MYBPC2: variants seen among roughly 807,000 people sequenced by gnomAD.
MYBPC2 encodes the protein myosin-binding protein C, fast-type.
In MYBPC2, 122 loss-of-function variants were observed where a neutral mutation model predicts 137.0. That is an observed-to-expected ratio of 0.89 (90% CI 0.77 to 1.03). MYBPC2 has a LOEUF of 1.03. MYBPC2 is among the 50% of genes least tolerant of loss of function. The probability of loss-of-function intolerance (pLI) is 0.00; values close to 1 mark genes in which losing one functional copy is unlikely to be tolerated. For missense variants in MYBPC2, 1,500 were observed against 1,534.4 expected (o/e 0.98, Z 0.37); for synonymous variants, 626 against 612.3 (o/e 1.02, Z -0.33).
At chr19:50,451,520 G>A (rs890990787) in intron 15 of MYBPC2, among the ~76,000 whole-genome samples, 2 of 149,412 alleles carry the variant, frequency 1.3e-5, no homozygotes, top group African/African-American at 2.5e-5. Context: ...GCTATCGGCC[G>A]AGAGGAGGGA....
In MYBPC2 at chr19:50,458,776, G is replaced by A. The variant is rs566146444; in HGVS notation, c.2506+22G>A. On this transcript the variant is annotated intron_variant, in intron 21 of 27. Transcript: ENST00000357701. ...GCGGGTGCGTGGCCCCTGACCCTGC[G>A]CTCCGAAAGACCAAGCTGGCGTCGT... 12 of 1,605,246 alleles carry A rather than the reference G, an allele frequency of 7.5e-6. No individual in the cohort carries two copies. In the African/African-American group the frequency reaches 8.0e-5, roughly 11 times the overall value.
chr19:50,453,757 C>T (rs188274324), intron 16 of MYBPC2, among the ~76,000 whole-genome samples: 9 of 152,110 alleles, frequency 5.9e-5, no homozygotes, highest in East Asian at 3.9e-4. Context: ...CCAGGCTGGT[C>T]GCAAACTCCC....
chr19:50,453,895 C>A, intron 16 of MYBPC2, 125 bp from the exon 17 acceptor site: 3 of 1,103,920 alleles, frequency 2.7e-6, no homozygotes, highest in South Asian at 1.6e-5. Flanking sequence ...GGCAGTGGAG[C>A]GAGTGAGGAC....
At chr19:50,464,964 C>A (rs2040001936) in intron 27 of MYBPC2, among the ~76,000 whole-genome samples, 1 of 152,104 alleles carries the variant, frequency 6.6e-6, no homozygotes, top group Non-Finnish European at 1.5e-5. Flanking sequence ...CTGCCCCTGC[C>A]TCTCCCTGCC....
chr19:50,454,235 G>A, intron 17 of MYBPC2, 30 bp from the exon 18 acceptor site: 1 of 1,613,838 alleles, frequency 6.2e-7, no homozygotes, highest in South Asian at 1.1e-5. Context: ...GAGGCCTCGA[G>A]GGGCCACCTG....
intron 20 of MYBPC2, 35 bp from the exon 21 acceptor site, chr19:50,458,552 G>A (rs1395450748): frequency 6.2e-7 from 1 of 1,603,744 alleles, no homozygotes; most frequent in Non-Finnish European, 8.5e-7. Flanking sequence ...ATGGGAGGAG[G>A]GCACGAGATC....
rs191165523 is a variant in MYBPC2 at position 50,453,040 on chromosome 19, C to T, written c.1750-980C>T. Among the ~76,000 whole-genome samples, 23 of 152,320 alleles carry T rather than the reference C, an allele frequency of 1.5e-4. 1 individual carries two copies. Among genetic ancestry groups the T allele is most frequent in the Middle Eastern group, 3.4e-3 (1 of 294 alleles). On this transcript the variant is annotated intron_variant, in intron 16 of 27. Transcript: ENST00000357701. ...AGCGTACATCCCCTAAAGTTTTCTC[C>T]GCACCAGGCACTGAGGATGCAACCA...
Position 50,465,206 on chromosome 19 carries a change from CGG to C in MYBPC2, c.3415+675_3415+676del, listed in dbSNP as rs2040004751. ...CCAGCGCCCCTCCGCCTGGTGTTCA[CGG>C]TGGTGTGTCCACCCCGGTTCTTCCC... is the stretch of plus-strand genomic sequence containing the variant. On this transcript the variant is annotated intron_variant, in intron 27 of 27. Transcript: ENST00000357701. This position sits in a 1 kb window ranked among gnomAD's most constrained non-coding sequence, Gnocchi z 4.5. Among the ~76,000 whole-genome samples the C allele has an allele frequency of 6.6e-6, 1 of 152,118 alleles. No homozygotes were observed. The highest frequency in any genetic ancestry group is 2.1e-4 in the South Asian group (1 of 4,814).
chr19:50,436,056 C>G lies in MYBPC2; in HGVS notation c.241C>G (p.Pro81Ala). ...GGCCAAGGTGAACGGGAAGGAGCTC[C>G]CAGACAAACCGACCATCAAGTGGTT... ...VVAKVNGKEL[P>A]DKPTIKWFKG... The change falls in exon 4 of 28, where the codon CCA becomes GCA. Residue 81 changes from proline to alanine, a missense_variant. By Grantham distance (27) the Pro-to-Ala change is conservative (BLOSUM62 -1). Transcript: ENST00000357701. The G allele has an allele frequency of 6.3e-7, 1 of 1,584,264 alleles. No homozygotes were observed.
intron 7 of MYBPC2, among the ~76,000 whole-genome samples, chr19:50,439,883 A>G (rs1174437480): frequency 6.6e-6 from 1 of 152,260 alleles, no homozygotes; most frequent in Non-Finnish European, 1.5e-5. Context: ...GGAATGCCTC[A>G]GGGAGAAGGG....
chr19:50,443,695 TC>T lies in MYBPC2; in HGVS notation c.1028-11del. On this transcript the variant is annotated splice_polypyrimidine_tract_variant and intron_variant, in intron 10 of 27. Transcript: ENST00000357701. The stretch of plus-strand genomic sequence containing the variant: ...GGGTCCTGAAACGACTGACCTCCTG[TC>T]CCCCTGCCCCACAGAACCTCCAGTC... 6.2e-7 allele frequency: 1 copy of T among 1,611,818 alleles called. No homozygotes were observed.
intron 13 of MYBPC2, among the ~76,000 whole-genome samples, chr19:50,449,718 A>T (rs945726655): frequency 3.9e-5 from 6 of 152,108 alleles, no homozygotes; most frequent in African/African-American, 1.4e-4. Context: ...TAAGACAAAC[A>T]CCTGGTTATC....
In MYBPC2 at chr19:50,451,991, G is replaced by A; in HGVS notation, c.1737G>A (p.Leu579=). The A allele has an allele frequency of 6.4e-7, 1 of 1,552,480 alleles. No individual in the cohort carries two copies. The highest frequency in any genetic ancestry group is 8.7e-7 in the Non-Finnish European group (1 of 1,147,262). ...AGCCCCCTCCCGTCGCTACCTGGCT[G>A]AAGGGAGATGAGGTGGGTTGGGGCC... The part of the protein sequence containing the change: ...TGEPPPVATW[L]KGDEVFTTTE... Residue 579 remains leucine (L), a synonymous_variant, in exon 16 of 28, where the codon CTG becomes CTA. Transcript: ENST00000357701.
At position 50,455,649 on chromosome 19, in the gene MYBPC2, G is replaced by A; in HGVS notation, c.2338+5G>A. The A allele has an allele frequency of 1.2e-6, 2 of 1,613,496 alleles. No individual in the cohort carries two copies. The highest frequency in any genetic ancestry group is 1.7e-6 in the Non-Finnish European group (2 of 1,179,688). On this transcript the variant is annotated splice_donor_5th_base_variant and intron_variant, in intron 20 of 27. Transcript: ENST00000357701. ...TGGAGTACTGCCTGGAAGGCTGTGAGTGACCCTGGCAGGGCTGGTGGGGGT... is the reference window on the plus strand; with the variant it reads ...TGGAGTACTGCCTGGAAGGCTGTGAATGACCCTGGCAGGGCTGGTGGGGGT...
intron 20 of MYBPC2, among the ~76,000 whole-genome samples, chr19:50,456,360 CCA>C (rs1454572557): frequency 7.8e-4 from 100 of 129,008 alleles, no homozygotes; most frequent in East Asian, 3.5e-3. Context: ...GTCCATCCAT[CCA>C]TCTGTCCATC....
Position 50,436,648 on chromosome 19 carries a change from T to C in MYBPC2, c.377T>C (p.Val126Ala). Residue 126 changes from valine (V) to alanine (A), a missense_variant, in exon 5 of 28, where the codon GTG becomes GCG. Val to Ala is a moderately conservative substitution (Grantham distance 64). Coordinates refer to ENST00000357701, the MANE Select transcript of MYBPC2 (RefSeq NM_004533.4). Reference sequence around the variant, plus strand: ...ACCGTGGAGCTGCACATTGGGAAGGTGGTACTGGGGGACCGTGGGTATTAC... The same window carrying C: ...ACCGTGGAGCTGCACATTGGGAAGGCGGTACTGGGGGACCGTGGGTATTAC... ...VYTVELHIGK[V>A]VLGDRGYYRL... 1 of 1,613,866 alleles carries C rather than the reference T, an allele frequency of 6.2e-7. No individual in the cohort carries two copies. The highest frequency in any genetic ancestry group is 1.1e-5 in the South Asian group (1 of 91,078).
chr19:50,455,671 G>T (rs771819461), intron 20 of MYBPC2, 27 bp downstream of exon 20: 8 of 1,611,284 alleles, frequency 5.0e-6, no homozygotes, highest in African/African-American at 4.0e-5. Context: ...GGGCTGGTGG[G>T]GGTGGTGGCT....
At chr19:50,450,711 C>G (rs2122598975) in intron 13 of MYBPC2, 118 bp from the exon 14 acceptor site, 1 of 696,500 alleles carries the variant, frequency 1.4e-6, no homozygotes, top group Non-Finnish European at 2.5e-6. Context: ...GTTCCAAAGC[C>G]CTGGATAAGA....
chr19:50,436,535 A>C, intron 4 of MYBPC2, 82 bp from the exon 5 acceptor site: 15 of 1,248,354 alleles, frequency 1.2e-5, no homozygotes, highest in East Asian at 2.4e-5. Flanking sequence ...ACGTGGAGAT[A>C]GAGCTATGAG....
Sources: allele counts gnomAD v4.1 joint callset (sites outside exome capture counted in the v4.1 genomes callset), GRCh38; gene constraint gnomAD v4.1.1; non-coding constraint Gnocchi (gnomAD v3.1); transcripts MANE v1.5; gene names NCBI Gene and HGNC (gene_info 2026-07-23, HGNC 2026-07-21).